ZMYM1: variants seen among roughly 807,000 people sequenced by gnomAD.
ZMYM1 encodes the protein zinc finger MYM-type protein 1.
In ZMYM1, 39 loss-of-function variants were observed where a neutral mutation model predicts 60.0. The observed-to-expected ratio is 0.65, with a 90% CI of 0.50 to 0.85. The LOEUF (loss-of-function observed/expected upper bound fraction) is 0.85. Among genes scored for constraint, ZMYM1 ranks in the 40% least tolerant of loss-of-function variants. The pLI, the probability that ZMYM1 is intolerant of heterozygous loss-of-function variation, is 0.00. For missense variants in ZMYM1, 1,171 were observed against 1,309.5 expected (o/e 0.89, Z 1.63); for synonymous variants, 413 against 454.0 (o/e 0.91, Z 1.15).
In ZMYM1 at chr1:35,104,352, C is replaced by G. The variant is rs564136395; in HGVS notation, c.477C>G (p.Cys159Trp). The change falls in exon 5 of 10, where the codon TGC becomes TGG. Residue 159 changes from cysteine (C) to tryptophan (W), a missense_variant. Physicochemically the swap from Cys to Trp is radical, Grantham distance 215. Transcript: ENST00000359858. ...TCCAGCTGGAAGACACTACCTCTTG[C>G]AAAACTTTTTGCAGCCTATCTTGTC... Reference protein sequence around the residue: ...ISVQLEDTTSCKTFCSLSCLS... With the variant: ...ISVQLEDTTSWKTFCSLSCLS... 2 of 1,611,996 alleles carry G rather than the reference C, an allele frequency of 1.2e-6. No individual in the cohort carries two copies. Among genetic ancestry groups the G allele is most frequent in the Middle Eastern group, 1.7e-4 (1 of 6,046 alleles).
chr1:35,106,658 G>A (rs1643898228), intron 6 of ZMYM1, among the ~76,000 whole-genome samples: 1 of 144,648 alleles, frequency 6.9e-6, no homozygotes, highest in African/African-American at 2.6e-5. Flanking sequence ...GTCAAAACAA[G>A]CCATAATTCA....
chr1:35,087,898 TA>T (rs1293074857), intron 1 of ZMYM1, among the ~76,000 whole-genome samples: 3 of 151,966 alleles, frequency 2.0e-5, no homozygotes, highest in African/African-American at 7.2e-5. Context: ...CGATCTCTAC[TA>T]AAAATACAAA....
chr1:35,089,604 A>G (rs762755786), intron 1 of ZMYM1, among the ~76,000 whole-genome samples: 1 of 142,374 alleles, frequency 7.0e-6, no homozygotes, highest in African/African-American at 2.6e-5. Context: ...TAGTCCTGGA[A>G]TTACTCCTGT....
chr1:35,062,724 A>G (rs1359156934), intron 1 of ZMYM1, among the ~76,000 whole-genome samples: 1 of 152,222 alleles, frequency 6.6e-6, no homozygotes, highest in African/African-American at 2.4e-5. Flanking sequence ...CAAAAAGGGG[A>G]AATGTGTAAT....
At chr1:35,088,805 C>CTTTTTTTTTT (rs375136566) in intron 1 of ZMYM1, among the ~76,000 whole-genome samples, 5 of 119,602 alleles carry the variant, frequency 4.2e-5, no homozygotes, top group South Asian at 2.6e-4. Context: ...GGATGCTTTC[C>CTTTTTTTTTT]TTTTTTTTTT....
chr1:35,103,149 T>C (rs1643743551), intron 4 of ZMYM1, among the ~76,000 whole-genome samples: 1 of 152,200 alleles, frequency 6.6e-6, no homozygotes. Context: ...AACCATTTCA[T>C]TGGCATTTAG....
intron 6 of ZMYM1, among the ~76,000 whole-genome samples, chr1:35,109,896 G>A (rs909559484): frequency 5.9e-5 from 9 of 151,998 alleles, no homozygotes; most frequent in Non-Finnish European, 1.2e-4. Context: ...ACAGGCGCTC[G>A]CCACTACACC....
Position 35,113,297 on chromosome 1 carries a change from CT to C in ZMYM1, c.1468del (p.Cys490ValfsTer31), listed in dbSNP as rs1157334530. 2 of 1,612,636 alleles carry C rather than the reference CT, an allele frequency of 1.2e-6. No individual in the cohort carries two copies. The highest frequency in any genetic ancestry group is 8.5e-7 in the Non-Finnish European group (1 of 1,178,928). On this transcript the variant is annotated frameshift_variant, in exon 10 of 10. Transcript: ENST00000359858. LOFTEE classifies it high-confidence loss of function. ...AGTTGTTCTGCCAAAAATATTTTAG[CT>C]GTGGAAGAGAGTCATTTGCAACCCA... The part of the protein sequence containing the change: ...CQLFCQKYFS[C>X]GRESFATHGT...
chr1:35,117,454 G>T (rs576937692), downstream of ZMYM1, among the ~76,000 whole-genome samples: 112 of 151,916 alleles, frequency 7.4e-4, no homozygotes, highest in South Asian at 1.9e-3. Flanking sequence ...CAAGTATATG[G>T]GATTACAGGT....
At chr1:35,067,005 G>A (rs897314347) in intron 1 of ZMYM1, among the ~76,000 whole-genome samples, 9 of 152,042 alleles carry the variant, frequency 5.9e-5, no homozygotes, top group Admixed American at 5.9e-4. Flanking sequence ...TTGAGACAGG[G>A]GCTCACTCTG....
At chr1:35,088,433 T>G (rs1200422114) in intron 1 of ZMYM1, among the ~76,000 whole-genome samples, 1 of 47,020 alleles carries the variant, frequency 2.1e-5, no homozygotes, top group African/African-American at 9.1e-5. Context: ...TGTGTTTATG[T>G]GTATATATAT....
At chr1:35,081,483 C>G (rs1300093736) in intron 1 of ZMYM1, among the ~76,000 whole-genome samples, 1 of 151,970 alleles carries the variant, frequency 6.6e-6, no homozygotes, top group African/African-American at 2.4e-5. Context: ...GGATTTTCAT[C>G]TACAGCTTAA....
chr1:35,111,971 T>C, intron 8 of ZMYM1, 59 bp downstream of exon 8: 1 of 1,555,480 alleles, frequency 6.4e-7, no homozygotes, highest in Non-Finnish European at 8.7e-7. Flanking sequence ...TTGATAAATC[T>C]GTCTATATGC....
chr1:35,068,970 G>A (rs916433123), intron 1 of ZMYM1, among the ~76,000 whole-genome samples: 12 of 152,064 alleles, frequency 7.9e-5, no homozygotes, highest in African/African-American at 2.9e-4. Flanking sequence ...CCAAGTAGCT[G>A]GGACTACAGG....
In ZMYM1 at chr1:35,098,143, T is replaced by C. The variant is rs146987554; in HGVS notation, c.419+577T>C. Among the ~76,000 whole-genome samples, 481 of 152,346 alleles carry C rather than the reference T, an allele frequency of 3.2e-3. 6 individuals carry two copies. Among genetic ancestry groups the C allele is most frequent in the African/African-American group, 0.011 (449 of 41,588 alleles). On this transcript the variant is annotated intron_variant, in intron 4 of 9. Transcript: ENST00000359858. ...GGATTATTGTTTATCCATTCTGTTC[T>C]ATTTAACTGTATAGGGAGCAACCTA...
At chr1:35,093,863 T>C (rs925891026) in intron 1 of ZMYM1, 51 bp from the exon 2 acceptor site, 3 of 653,592 alleles carry the variant, frequency 4.6e-6, no homozygotes, top group Non-Finnish European at 7.4e-6. Flanking sequence ...AATTACCATA[T>C]TTAAAAGGAC....
At position 35,104,681 on chromosome 1, in the gene ZMYM1, A is replaced by T; in HGVS notation, c.719A>T (p.Tyr240Phe). The change falls in exon 6 of 10, where the codon TAC becomes TTC. Residue 240 changes from tyrosine (Y) to phenylalanine (F), a missense_variant. Transcript: ENST00000359858. ...NCCENCGTYC[Y>F]TSSSLSHILQ... ...TGTGAGAACTGTGGCACTTACTGTT[A>T]CACCAGCTCTAGTCTGTCCCACATA... 6.2e-7 allele frequency: 1 copy of T among 1,614,198 alleles called. No homozygotes were observed. Among genetic ancestry groups the T allele is most frequent in the Non-Finnish European group, 8.5e-7 (1 of 1,180,026 alleles).
chr1:35,095,470 GAC>G (rs765163702), intron 2 of ZMYM1, among the ~76,000 whole-genome samples: 9 of 143,564 alleles, frequency 6.3e-5, no homozygotes, highest in Non-Finnish European at 1.3e-4. Context: ...CAGCCTGGGT[GAC>G]AGAGTGAGAT....
intron 1 of ZMYM1, among the ~76,000 whole-genome samples, chr1:35,067,758 C>T (rs1641996394): frequency 6.6e-6 from 1 of 151,620 alleles, no homozygotes; most frequent in Non-Finnish European, 1.5e-5. Context: ...GCCTGTGGTC[C>T]CGGCTGCTTG....
Sources: gnomAD v4.1 joint callset for allele counts (sites outside exome capture counted in the v4.1 genomes callset) on GRCh38, gnomAD v4.1.1 for gene constraint, MANE v1.5 for transcripts, NCBI Gene and HGNC (gene_info 2026-07-23, HGNC 2026-07-21) for gene names.